LPA: variants seen among roughly 807,000 people sequenced by gnomAD.
LPA encodes lipoprotein(a), also known as apolipoprotein(a).
In LPA, 199 loss-of-function variants were observed where a neutral mutation model predicts 197.9. The ratio of observed to expected loss-of-function variants is 1.01; its 90% CI spans 0.90 to 1.13. The LOEUF is 1.13. Ranked by LOEUF, LPA falls within the 50% of genes most tolerant of loss-of-function variation. The pLI is 0.00. For missense variants in LPA, 1,853 were observed against 1,785.8 expected, an observed-to-expected ratio of 1.04 and a Z score of -0.68; for synonymous variants, 715 against 639.5, an observed-to-expected ratio of 1.12 and a Z score of -1.78.
chr6:160,554,595 G>A (rs888388157), intron 30 of LPA, among the ~76,000 whole-genome samples: 73 of 152,142 alleles, frequency 4.8e-4, no homozygotes, highest in South Asian at 2.7e-3. Flanking sequence ...GTCTCTCCTC[G>A]GGCTGATCAG....
chr6:160,650,570 C>A (rs972936128), intron 1 of LPA, 73 bp from the exon 2 acceptor site: 71 of 1,470,840 alleles, frequency 4.8e-5, no homozygotes, highest in African/African-American at 5.6e-5. Flanking sequence ...ATTTATGACA[C>A]AAACAGGAAA....
intron 33 of LPA, among the ~76,000 whole-genome samples, chr6:160,543,844 C>T (rs1001550114): frequency 6.6e-6 from 1 of 152,230 alleles, no homozygotes; most frequent in African/African-American, 2.4e-5. Context: ...GAGGCTCTAA[C>T]TTTCTCAATC....
In LPA at chr6:160,579,652, G is replaced by A. The variant is rs369737663; in HGVS notation, c.4290-948C>T. Among the ~76,000 whole-genome samples, 57 of 152,264 alleles carry A rather than the reference G, an allele frequency of 3.7e-4. 1 individual carries two copies. The highest frequency in any genetic ancestry group is 1.2e-3 in the Admixed American group (18 of 15,286). ...CTTCCCCATTATGCCTCCCAAGAAC[G>A]TTGCTCCAACCTCTCAGAATCCTCA... On this transcript the variant is annotated intron_variant, in intron 26 of 38. Transcript: ENST00000316300.
At chr6:160,654,129 T>C (rs1780089547) in intron 1 of LPA, among the ~76,000 whole-genome samples, 1 of 93,022 alleles carries the variant, frequency 1.1e-5, no homozygotes, top group Non-Finnish European at 2.1e-5. Context: ...ATAAAGGGGA[T>C]CTTATTAAGT....
intron 16 of LPA, among the ~76,000 whole-genome samples, chr6:160,607,422 G>T (rs1485632881): frequency 1.3e-5 from 2 of 152,132 alleles, no homozygotes; most frequent in Non-Finnish European, 2.9e-5. Context: ...TGCACTGAGG[G>T]AAAGGGGGAT....
At chr6:160,580,736 G>A (rs1010600372) in intron 26 of LPA, among the ~76,000 whole-genome samples, 7 of 152,166 alleles carry the variant, frequency 4.6e-5, no homozygotes, top group African/African-American at 7.2e-5. Flanking sequence ...ATTCAAGCCT[G>A]TTGCCCATTT....
intron 35 of LPA, among the ~76,000 whole-genome samples, chr6:160,540,870 G>C (rs1043126422): frequency 6.6e-6 from 1 of 152,120 alleles, no homozygotes; most frequent in Admixed American, 6.5e-5. Context: ...CACTTGCACT[G>C]GGTCTTCCCT....
Position 160,606,533 on chromosome 6 carries a change from G to T in LPA, c.2729C>A (p.Ala910Asp), listed in dbSNP as rs1265711835. Residue 910 changes from alanine (A) to aspartate (D), a missense_variant, in exon 17 of 39, where the codon GCC becomes GAC. By Grantham distance (126) the Ala-to-Asp change is moderately radical. Transcript: ENST00000316300. ...LTQCSDAEGTAVAPPTITPIP... is the reference protein window; with the variant it reads ...LTQCSDAEGTDVAPPTITPIP... Reference sequence around the variant, plus strand: ...CGGGGTAATAGTTGGAGGCGCGACGGCAGTCCCTTCTGCGTCTGAGCATTG... The same window carrying T: ...CGGGGTAATAGTTGGAGGCGCGACGTCAGTCCCTTCTGCGTCTGAGCATTG... 9.9e-6 allele frequency: 16 copies of T among 1,613,514 alleles called. No individual in the cohort carries two copies. The highest frequency in any genetic ancestry group is 1.4e-5 in the Non-Finnish European group (16 of 1,179,948).
chr6:160,610,917 G>A (rs1384994229), intron 16 of LPA, among the ~76,000 whole-genome samples: 1 of 152,086 alleles, frequency 6.6e-6, no homozygotes, highest in Non-Finnish European at 1.5e-5. Context: ...TGTTGATTAT[G>A]GCCAAATGAT....
chr6:160,580,563 G>A (rs1299009379), intron 26 of LPA, among the ~76,000 whole-genome samples: 2 of 152,046 alleles, frequency 1.3e-5, no homozygotes, highest in Non-Finnish European at 1.5e-5. Context: ...GCTCCAAATC[G>A]GTGACACCAC....
intron 30 of LPA, among the ~76,000 whole-genome samples, chr6:160,553,962 C>T (rs946909590): frequency 3.5e-4 from 13 of 37,250 alleles, no homozygotes; most frequent in South Asian, 6.4e-4. Context: ...TGTGCGCGCG[C>T]GCGCGTGTGC....
Position 160,537,919 on chromosome 6 carries a change from T to G in LPA, c.5778A>C (p.Pro1926=). The G allele has an allele frequency of 2.5e-6, 4 of 1,614,242 alleles. No individual in the cohort carries two copies. Among genetic ancestry groups the G allele is most frequent in the Non-Finnish European group, 3.4e-6 (4 of 1,180,046 alleles). Residue 1926 remains proline (P), a synonymous_variant, in exon 37 of 39, where the codon CCA becomes CCC. Coordinates refer to ENST00000316300, the MANE Select transcript of LPA (RefSeq NM_005577.4). The part of the protein sequence containing the change: ...ITDKVMPACL[P]SPDYMVTART... Reference sequence around the variant, plus strand: ...TGGCGGTGACCATGTAGTCTGGGGATGGCAGACAAGCTGGCATTACTTTGT... The same window carrying G: ...TGGCGGTGACCATGTAGTCTGGGGAGGGCAGACAAGCTGGCATTACTTTGT...
Position 160,535,041 on chromosome 6 carries a change from G to A in LPA, c.5843-2392C>T, listed in dbSNP as rs1777865501. 4.0e-5 allele frequency among the ~76,000 whole-genome samples: 6 copies of A among 150,610 alleles called. No individual in the cohort carries two copies. The South Asian group carries it at 1.3e-3, about 32-fold the overall frequency. The stretch of plus-strand genomic sequence containing the variant: ...ATAATGGTGATGGTGGTGGAGTAGT[G>A]GTGATGGTGGTGGGTAGTAATGATG... On this transcript the variant is annotated intron_variant, in intron 37 of 38. Coordinates refer to ENST00000316300, the MANE Select transcript of LPA (RefSeq NM_005577.4).
Position 160,594,018 on chromosome 6 carries a change from T to C in LPA, c.3569A>G (p.Gln1190Arg), listed in dbSNP as rs1448632747. The C allele has an allele frequency of 6.2e-7, 1 of 1,614,000 alleles. No homozygotes were observed. Among genetic ancestry groups the C allele is most frequent in the East Asian group, 2.2e-5 (1 of 44,860 alleles). ...FSTTVTGRTC[Q>R]SWSSMTPHWH... Reference sequence around the variant, plus strand: ...GTGTGGTGTCATAGAGGACCAAGACTGACATGTCCTTCCTGTGACAGTGGT... The same window carrying C: ...GTGTGGTGTCATAGAGGACCAAGACCGACATGTCCTTCCTGTGACAGTGGT... Residue 1190 changes from glutamine to arginine, a missense_variant, in exon 22 of 39, where the codon CAG becomes CGG. Transcript: ENST00000316300.
At chr6:160,607,194 G>A (rs1484455311) in intron 16 of LPA, among the ~76,000 whole-genome samples, 5 of 152,000 alleles carry the variant, frequency 3.3e-5, no homozygotes, top group Non-Finnish European at 7.4e-5. Flanking sequence ...AAAACCTCGC[G>A]AAAAGGCTCT....
At chr6:160,580,189 G>A (rs993621371) in intron 26 of LPA, among the ~76,000 whole-genome samples, 1 of 152,178 alleles carries the variant, frequency 6.6e-6, no homozygotes. Flanking sequence ...GTTTGTTCAT[G>A]CTTCTGAGAC....
chr6:160,588,446 C>T (rs997162528), intron 24 of LPA, among the ~76,000 whole-genome samples: 2 of 152,146 alleles, frequency 1.3e-5, no homozygotes, highest in African/African-American at 4.8e-5. Context: ...GGTGTTTCTC[C>T]TCTGAGTGGT....
At position 160,647,324 on chromosome 6, in the gene LPA, G is replaced by A. The variant is rs56791859; in HGVS notation, c.210-929C>T. Among the ~76,000 whole-genome samples, 287 of 152,288 alleles carry A rather than the reference G, an allele frequency of 1.9e-3. 1 individual carries two copies. The highest frequency in any genetic ancestry group is 6.5e-3 in the African/African-American group (270 of 41,552). Reference sequence around the variant, plus strand: ...GGGCTGCGGGGATCTTGAAGCATTCGCTCTTCCTTATGCCTCCCAAGAACG... The same window carrying A: ...GGGCTGCGGGGATCTTGAAGCATTCACTCTTCCTTATGCCTCCCAAGAACG... On this transcript the variant is annotated intron_variant, in intron 2 of 38. Coordinates refer to ENST00000316300, the MANE Select transcript of LPA (RefSeq NM_005577.4).
At chr6:160,581,984 A>G (rs1158585204) in intron 26 of LPA, among the ~76,000 whole-genome samples, 1 of 152,130 alleles carries the variant, frequency 6.6e-6, no homozygotes, top group African/African-American at 2.4e-5. Flanking sequence ...CAATTCCCAT[A>G]TGGTATTATT....
Sources: gnomAD v4.1 joint callset for allele counts (sites outside exome capture counted in the v4.1 genomes callset) on GRCh38, gnomAD v4.1.1 for gene constraint, MANE v1.5 for transcripts, NCBI Gene and HGNC (gene_info 2026-07-23, HGNC 2026-07-21) for gene names.